Variants in KDM6A observed in about 807,000 individuals in gnomAD.
KDM6A encodes lysine-specific demethylase 6A.
A neutral mutation model predicts 117.6 loss-of-function variants in KDM6A; 11 were observed. The ratio of observed to expected loss-of-function variants is 0.09; its 90% confidence interval spans 0.06 to 0.15. The LOEUF is 0.15. Among genes scored for constraint, KDM6A ranks in the 10% least tolerant of loss-of-function variants. The probability of loss-of-function intolerance (pLI) is 1.00; values close to 1 mark genes in which losing one functional copy is unlikely to be tolerated. For synonymous variants in KDM6A, 384 were observed against 396.1 expected, an observed-to-expected ratio of 0.97 and a Z score of 0.36; for missense variants, 799 against 1,077.3, an observed-to-expected ratio of 0.74 and a Z score of 3.62.
chrX:44,941,996 C>T (rs989663991), intron 2 of KDM6A, among the ~76,000 whole-genome samples: 4 of 109,133 alleles, frequency 3.7e-5, no homozygotes, highest in Non-Finnish European at 5.7e-5. Context: ...GGGTGGAATT[C>T]GAGCATATGA....
chrX:44,961,108 C>A (rs943665598), intron 2 of KDM6A, among the ~76,000 whole-genome samples, 176 bp from the exon 3 acceptor site: 2 of 111,475 alleles, frequency 1.8e-5, no homozygotes, highest in African/African-American at 6.5e-5. Context: ...TTAATAAATA[C>A]ATAGGGAAGC....
intron 2 of KDM6A, among the ~76,000 whole-genome samples, chrX:44,949,229 C>G (rs965939534): frequency 2.7e-5 from 3 of 109,667 alleles, no homozygotes; most frequent in Admixed American, 9.7e-5. Context: ...CTTGTCTCTA[C>G]AAAAAAAATA....
chrX:45,038,442 C>T (rs1435974540), intron 8 of KDM6A, among the ~76,000 whole-genome samples: 1 of 111,102 alleles, frequency 9.0e-6, no homozygotes, highest in Non-Finnish European at 1.9e-5. Context: ...AGAGTCACCT[C>T]TTGATGTCCT....
chrX:44,911,349 A>C (rs1264881361), intron 2 of KDM6A, among the ~76,000 whole-genome samples: 2 of 98,655 alleles, frequency 2.0e-5, no homozygotes, highest in Non-Finnish European at 2.0e-5. Context: ...CACTTCTCAG[A>C]CGGGGTGGCC....
At chrX:44,925,750 T>C (rs952523684) in intron 2 of KDM6A, among the ~76,000 whole-genome samples, 1 of 111,329 alleles carries the variant, frequency 9.0e-6, no homozygotes, top group African/African-American at 3.3e-5. Context: ...TTTGAGGCCA[T>C]AGATTTAATT....
In KDM6A at chrX:45,060,700, C is replaced by T; in HGVS notation, c.1421C>T (p.Pro474Leu). The T allele has an allele frequency of 1.9e-6, 2 of 1,070,427 alleles. No individual in the cohort carries two copies. Among genetic ancestry groups the T allele is most frequent in the Non-Finnish European group, 2.5e-6 (2 of 810,599 alleles). The allele number at this position is 1,070,427 out of a possible 1,213,427, so 88.2% of individuals were successfully genotyped here. A position where few individuals can be genotyped will look rare whatever the true frequency, so the allele number is the denominator to read the frequency against. The part of the protein sequence containing the change: ...SQQSLPLHMI[P>L]SSQVDDLSSP... Reference sequence around the variant, plus strand: ...CAATCCTTGCCACTACACATGATTCCTTCTAGCCAAGTAGATGACCTGTCC... The same window carrying T: ...CAATCCTTGCCACTACACATGATTCTTTCTAGCCAAGTAGATGACCTGTCC... Residue 474 changes from proline to leucine, a missense_variant, in exon 14 of 30, where the codon CCT becomes CTT. This residue lies in a region of KDM6A where 301 missense variants were observed against 318.3 expected (regional missense o/e 0.95). Coordinates refer to ENST00000611820, the MANE Select transcript of KDM6A (RefSeq NM_001291415.2).
At chrX:44,924,277 A>T (rs1422718195) in intron 2 of KDM6A, among the ~76,000 whole-genome samples, 7 of 111,660 alleles carry the variant, frequency 6.3e-5, no homozygotes, top group Admixed American at 4.8e-4. Context: ...GATTCCTGGT[A>T]CACACTCCTA....
intron 2 of KDM6A, among the ~76,000 whole-genome samples, chrX:44,921,961 A>G (rs1023822105): frequency 1.2e-5 from 1 of 84,405 alleles, no homozygotes; most frequent in Non-Finnish European, 2.3e-5. Flanking sequence ...AGCATTTGTT[A>G]TTATCACCGT....
At chrX:45,045,340 C>T (rs1356595483) in intron 8 of KDM6A, among the ~76,000 whole-genome samples, 4 of 110,807 alleles carry the variant, frequency 3.6e-5, no homozygotes, top group Non-Finnish European at 7.6e-5. Context: ...GTAATCCCAA[C>T]ACTTTGTGAG....
At chrX:44,905,321 CTATGTTTAGA>C (rs1178321946) in intron 2 of KDM6A, among the ~76,000 whole-genome samples, 1 of 111,931 alleles carries the variant, frequency 8.9e-6, no homozygotes, top group Non-Finnish European at 1.9e-5. Context: ...TGTACCTTTT[CTATGTTTAGA>C]TATGTTTAGA....
At chrX:45,111,230 T>C (rs1469174220) in intron 29 of KDM6A, 152 bp from the exon 30 acceptor site, 10 of 477,736 alleles carry the variant, frequency 2.1e-5, no homozygotes, top group Non-Finnish European at 3.7e-5. Context: ...GAATGGGAGA[T>C]AGTAAGGTAG....
In KDM6A at chrX:45,059,403, T is replaced by C; in HGVS notation, c.1131T>C (p.Asn377=). 1 of 1,211,013 alleles carries C rather than the reference T, an allele frequency of 8.3e-7. No individual in the cohort carries two copies. The highest frequency in any genetic ancestry group is 1.1e-6 in the Non-Finnish European group (1 of 895,022). The change falls in exon 12 of 30, where the codon AAT becomes AAC. Residue 377 remains asparagine (N), a synonymous_variant. Coordinates refer to ENST00000611820, the MANE Select transcript of KDM6A (RefSeq NM_001291415.2). The part of the protein sequence containing the change: ...QPQDAIKCYL[N]ATRSKSCSNT... ...AGGATGCCATTAAATGCTACTTAAA[T>C]GCAACTAGAAGCAAAAGTTGTAGTA...
rs1232861101 is a variant in KDM6A at position 44,910,503 on chromosome X, A to ATT, written c.225+36529_225+36530dup. Among the ~76,000 whole-genome samples, 403 of 90,507 alleles carry ATT rather than the reference A, an allele frequency of 4.5e-3. 5 individuals carry two copies. Among genetic ancestry groups the ATT allele is most frequent in the Admixed American group, 0.023 (179 of 7,820 alleles). 78.6% of individuals were successfully genotyped at this position (90,507 alleles called of 115,157 possible). A position where few individuals can be genotyped will look rare whatever the true frequency, so the allele number is the denominator to read the frequency against. Reference sequence around the variant, plus strand: ...CTTATTTATTTTTGCAAGTAGCTTCATTTTTTTTTTTTTTAATTGTTCATT... The same window carrying ATT: ...CTTATTTATTTTTGCAAGTAGCTTCATTTTTTTTTTTTTTTTAATTGTTCATT... On this transcript the variant is annotated intron_variant, in intron 2 of 29. Coordinates refer to ENST00000611820, the MANE Select transcript of KDM6A (RefSeq NM_001291415.2).
At chrX:45,001,378 C>A (rs2041136436) in intron 4 of KDM6A, among the ~76,000 whole-genome samples, 1 of 111,710 alleles carries the variant, frequency 9.0e-6, no homozygotes, top group African/African-American at 3.3e-5. Flanking sequence ...GCAGTCCATT[C>A]TTGTTCTTTA....
At chrX:45,018,920 G>A (rs746203608) in intron 5 of KDM6A, among the ~76,000 whole-genome samples, 5 of 111,000 alleles carry the variant, frequency 4.5e-5, no homozygotes, top group Admixed American at 1.9e-4. Flanking sequence ...TGCATAAATC[G>A]TCATTGTATA....
chrX:45,052,694 AGTTT>A (rs2043906708), intron 9 of KDM6A, among the ~76,000 whole-genome samples: 1 of 111,310 alleles, frequency 9.0e-6, no homozygotes, highest in Non-Finnish European at 1.9e-5. Context: ...AATACTTTAT[AGTTT>A]GTTTGCTTAT....
intron 2 of KDM6A, among the ~76,000 whole-genome samples, chrX:44,914,968 C>T (rs1049147733): frequency 9.0e-6 from 1 of 111,267 alleles, no homozygotes; most frequent in Non-Finnish European, 1.9e-5. Context: ...AGTTATGAGT[C>T]TGTCCTGCTA....
At chrX:45,003,931 C>T (rs1351819387) in intron 4 of KDM6A, among the ~76,000 whole-genome samples, 2 of 95,390 alleles carry the variant, frequency 2.1e-5, no homozygotes, top group Non-Finnish European at 4.2e-5. Context: ...TTCTCTCTCT[C>T]TCTTTCCTTT....
intron 2 of KDM6A, among the ~76,000 whole-genome samples, chrX:44,952,663 C>G (rs1272827329): frequency 2.7e-5 from 3 of 112,057 alleles, no homozygotes; most frequent in African/African-American, 6.5e-5. Context: ...GTTTAAGTTC[C>G]TTTATCATCT....
Sources: allele counts gnomAD v4.1 joint callset (sites outside exome capture counted in the v4.1 genomes callset), GRCh38; gene constraint gnomAD v4.1.1; regional missense constraint gnomAD v4.1.1; transcripts MANE v1.5; gene names NCBI Gene and HGNC (gene_info 2026-07-23, HGNC 2026-07-21).